MYH15: variants seen among roughly 807,000 people sequenced by gnomAD.
MYH15 encodes myosin heavy chain 15, also known as myosin-15.
MYH15 carries 227 observed loss-of-function variants against 240.5 expected under a neutral mutation model. That is an observed-to-expected ratio of 0.94 (90% confidence interval 0.85 to 1.05). The LOEUF (loss-of-function observed/expected upper bound fraction) is 1.05, where lower values mean the gene tolerates loss of function less well. Among genes scored for constraint, MYH15 ranks in the 50% least tolerant of loss-of-function variants. The pLI is 0.00. For synonymous variants in MYH15, 785 were observed against 796.7 expected, an observed-to-expected ratio of 0.99 and a Z score of 0.25; for missense variants, 2,217 against 2,247.5, an observed-to-expected ratio of 0.99 and a Z score of 0.27.
intron 23 of MYH15, among the ~76,000 whole-genome samples, chr3:108,440,176 ATTAT>A (rs1236810205): frequency 6.6e-6 from 1 of 152,174 alleles, no homozygotes; most frequent in Admixed American, 6.5e-5. Flanking sequence ...ATTATTTATA[ATTAT>A]TTAACATTAT....
rs1365587006 is a variant in MYH15 at position 108,385,767 on chromosome 3, C to T, written c.5536-985G>A. On this transcript the variant is annotated intron_variant, in intron 38 of 40. Coordinates refer to ENST00000693548, the MANE Select transcript of MYH15 (RefSeq NM_014981.3). ...GAACTTTTTTGGCAGCTTTAATGTT[C>T]CCCCTACTTACCTTCCATTCCCCCC... 2.0e-5 allele frequency among the ~76,000 whole-genome samples: 3 copies of T among 149,682 alleles called. No individual in the cohort carries two copies. In the East Asian group the frequency reaches 6.0e-4, roughly 30 times the overall value.
chr3:108,408,317 T>C lies in MYH15; in HGVS notation c.4583A>G (p.Glu1528Gly), dbSNP rs1347742774. ...MEKVKKLIEEEKTEVQVTLEE... is the reference protein window; with the variant it reads ...MEKVKKLIEEGKTEVQVTLEE... ...CAGTGTCACCTGGACTTCTGTCTTC[T>C]CTTCTTCAATTAGTTTCTTGACCTT... is the stretch of plus-strand genomic sequence containing the variant. The change falls in exon 32 of 41, where the codon GAG (glutamate) becomes GGG (glycine). Residue 1528 changes from glutamate to glycine, a missense_variant. Coordinates refer to ENST00000693548, the MANE Select transcript of MYH15 (RefSeq NM_014981.3). 1 of 1,613,758 alleles carries C rather than the reference T, an allele frequency of 6.2e-7. No individual in the cohort carries two copies. The highest frequency in any genetic ancestry group is 1.1e-5 in the South Asian group (1 of 91,026).
chr3:108,441,873 T>C (rs1041977960), intron 22 of MYH15, among the ~76,000 whole-genome samples: 1 of 152,174 alleles, frequency 6.6e-6, no homozygotes, highest in Admixed American at 6.5e-5. Flanking sequence ...CAGCACGGAG[T>C]TACACAAAGA....
intron 21 of MYH15, among the ~76,000 whole-genome samples, chr3:108,450,508 A>C (rs2082963154): frequency 6.6e-6 from 1 of 152,192 alleles, no homozygotes; most frequent in South Asian, 2.1e-4. Flanking sequence ...AACTCACAGA[A>C]GTAGAGAGTG....
the MYH15 span, among the ~76,000 whole-genome samples, chr3:108,546,716 G>A: frequency 6.6e-6 from 1 of 152,094 alleles, no homozygotes; most frequent in Non-Finnish European, 1.5e-5. Flanking sequence ...AGGGATACTT[G>A]TAGCTCAATG....
chr3:108,536,313 AAGG>A, the MYH15 span, among the ~76,000 whole-genome samples: 2 of 152,142 alleles, frequency 1.3e-5, no homozygotes, highest in South Asian at 2.1e-4. Flanking sequence ...TTAAGACAGA[AAGG>A]AGGAGGAAAA....
At chr3:108,390,154 G>C (rs921497141) in intron 37 of MYH15, among the ~76,000 whole-genome samples, 2 of 148,286 alleles carry the variant, frequency 1.3e-5, no homozygotes, top group African/African-American at 2.6e-5. Flanking sequence ...AAGAATTTTG[G>C]GGGGGGATTA....
chr3:108,405,851 T>C (rs1278370018), intron 32 of MYH15, among the ~76,000 whole-genome samples: 1 of 152,212 alleles, frequency 6.6e-6, no homozygotes, highest in African/African-American at 2.4e-5. Flanking sequence ...ACCTGGAATC[T>C]TCTATTAAAT....
intron 38 of MYH15, among the ~76,000 whole-genome samples, chr3:108,388,542 A>G (rs2082399969): frequency 6.6e-6 from 1 of 152,116 alleles, no homozygotes; most frequent in African/African-American, 2.4e-5. Flanking sequence ...ACCAGAAAAT[A>G]GGAGTGGAAA....
Position 108,428,535 on chromosome 3 carries a change from A to G in MYH15, c.3659T>C (p.Val1220Ala), listed in dbSNP as rs1239936980. 7 of 1,613,836 alleles carry G rather than the reference A, an allele frequency of 4.3e-6. No individual in the cohort carries two copies. Among genetic ancestry groups the G allele is most frequent in the South Asian group, 1.1e-5 (1 of 91,058 alleles). ...CTCAACACGGGTCAGGAGGTCATCT[A>G]CTTCTAGCTGCAAGTCACTCTTGTC... ...EKDKSDLQLE[V>A]DDLLTRVEQM... The change falls in exon 27 of 41, where the codon GTA (valine) becomes GCA (alanine). Residue 1220 changes from valine to alanine, a missense_variant. Coordinates refer to ENST00000693548, the MANE Select transcript of MYH15 (RefSeq NM_014981.3).
intron 12 of MYH15, among the ~76,000 whole-genome samples, chr3:108,473,020 G>GT (rs1174022175): frequency 1.3e-5 from 2 of 152,012 alleles, no homozygotes; most frequent in Non-Finnish European, 2.9e-5. Context: ...TTTTTTGTTT[G>GT]TTTTTGAGAC....
At position 108,454,069 on chromosome 3, in the gene MYH15, A is replaced by T. The variant is rs2082999020; in HGVS notation, c.2336T>A (p.Leu779Ter). The change falls in exon 21 of 41, where the codon TTG (leucine) becomes TAG (stop). Residue 779 changes from leucine to a stop codon, truncating the protein, a stop_gained. Coordinates refer to ENST00000693548, the MANE Select transcript of MYH15 (RefSeq NM_014981.3). LOFTEE classifies it high-confidence loss of function. ...TTTGCCCTGTGCTCTGGCTTGGAAC[A>T]ATGTGAAGACTTTAGATAGTCTCTC... Reference protein sequence around the residue: ...RDERLSKVFTLFQARAQGKLM... With the variant: ...RDERLSKVFT 6.2e-7 allele frequency: 1 copy of T among 1,613,042 alleles called. No individual in the cohort carries two copies. Among genetic ancestry groups the T allele is most frequent in the Admixed American group, 1.7e-5 (1 of 59,904 alleles).
At chr3:108,530,490 CT>C (rs2083704403), upstream of MYH15, among the ~76,000 whole-genome samples, 1 of 152,246 alleles carries the variant, frequency 6.6e-6, no homozygotes, top group African/African-American at 2.4e-5. Context: ...TGAAACTTTT[CT>C]GAGTGACACT....
the MYH15 span, among the ~76,000 whole-genome samples, chr3:108,546,680 A>C: frequency 6.6e-6 from 1 of 152,170 alleles, no homozygotes; most frequent in African/African-American, 2.4e-5. Context: ...GGAAGGAAAG[A>C]AGCTTACTCC....
chr3:108,493,321 G>C, intron 7 of MYH15, 144 bp from the exon 8 acceptor site: 1 of 636,478 alleles, frequency 1.6e-6, no homozygotes, highest in East Asian at 2.8e-5. Flanking sequence ...AAAAAAGAAA[G>C]AAAGAAAAGA....
chr3:108,509,307 T>A (rs2083503087), intron 1 of MYH15, among the ~76,000 whole-genome samples: 1 of 152,362 alleles, frequency 6.6e-6, no homozygotes, highest in Non-Finnish European at 1.5e-5. Flanking sequence ...AAATGCATCA[T>A]CCAATTATCT....
At chr3:108,503,885 C>T (rs1483145057) in intron 2 of MYH15, among the ~76,000 whole-genome samples, 1 of 152,152 alleles carries the variant, frequency 6.6e-6, no homozygotes, top group Non-Finnish European at 1.5e-5. Context: ...ATAGACAGAG[C>T]ATACAAACAA....
chr3:108,530,332 C>T (rs959540945), upstream of MYH15, among the ~76,000 whole-genome samples: 14 of 152,252 alleles, frequency 9.2e-5, no homozygotes, highest in African/African-American at 2.9e-4. Flanking sequence ...TTAAAAATTA[C>T]CAGGCAGAAA....
chr3:108,435,837 T>TACACACACACACACACAC (rs34885657), intron 25 of MYH15, among the ~76,000 whole-genome samples: 2 of 147,262 alleles, frequency 1.4e-5, no homozygotes, highest in Non-Finnish European at 3.0e-5. Flanking sequence ...TGTATATGTA[T>TACACACACACACACACAC]ACACACACAC....
Sources: allele counts gnomAD v4.1 joint callset (sites outside exome capture counted in the v4.1 genomes callset), GRCh38; gene constraint gnomAD v4.1.1; transcripts MANE v1.5; gene names NCBI Gene and HGNC (gene_info 2026-07-23, HGNC 2026-07-21).